ARFGEF2: variants seen among roughly 807,000 people sequenced by gnomAD.
ARFGEF2 encodes the protein ARF guanine nucleotide exchange factor 2.
In ARFGEF2, 74 loss-of-function variants were observed where a neutral mutation model predicts 219.9. The ratio of observed to expected loss-of-function variants is 0.34; its 90% confidence interval spans 0.28 to 0.41. The LOEUF (loss-of-function observed/expected upper bound fraction) is 0.41, where lower values mean the gene tolerates loss of function less well. ARFGEF2 is among the 10% of genes least tolerant of loss of function. The probability of loss-of-function intolerance (pLI) is 1.00; values close to 1 mark genes in which losing one functional copy is unlikely to be tolerated. For synonymous variants in ARFGEF2, 733 were observed against 799.2 expected (o/e 0.92, Z 1.40); for missense variants, 1,743 against 2,218.3 (o/e 0.79, Z 4.30).
At position 48,994,649 on chromosome 20, in the gene ARFGEF2, G is replaced by A. The variant is rs141110654; in HGVS notation, c.3121+51G>A. On this transcript the variant is annotated intron_variant, in intron 22 of 38. Transcript: ENST00000371917. ...CAGTCACGGATTTGCAAGCTAACGG[G>A]GATGAAACCCTTCTTGTCTCATCAG... 37 of 1,607,194 alleles carry A rather than the reference G, an allele frequency of 2.3e-5. No homozygotes were observed. In the Admixed American group the frequency reaches 3.3e-4, roughly 15 times the overall value.
At chr20:49,026,959 C>A (rs1170492494) in intron 36 of ARFGEF2, among the ~76,000 whole-genome samples, 1 of 152,076 alleles carries the variant, frequency 6.6e-6, no homozygotes, top group African/African-American at 2.4e-5. Flanking sequence ...TCTCTACAGC[C>A]TTAAAATATC....
intron 5 of ARFGEF2, among the ~76,000 whole-genome samples, chr20:48,953,300 C>T (rs1600604630): frequency 2.0e-5 from 3 of 151,804 alleles, no homozygotes; most frequent in South Asian, 4.2e-4. Flanking sequence ...CTCAACCTCC[C>T]AAGTAGCTGG....
intron 34 of ARFGEF2, among the ~76,000 whole-genome samples, chr20:49,022,805 C>G (rs182798816): frequency 6.6e-6 from 1 of 151,912 alleles, no homozygotes; most frequent in Non-Finnish European, 1.5e-5. Context: ...TTATTCATTG[C>G]TGTGCCACAA....
intron 1 of ARFGEF2, among the ~76,000 whole-genome samples, chr20:48,933,084 G>A (rs557684103): frequency 1.3e-5 from 2 of 152,244 alleles, no homozygotes; most frequent in East Asian, 1.9e-4. Context: ...TGTGTGACCC[G>A]AGCGGTAACA....
chr20:48,964,131 A>G (rs757866986), intron 7 of ARFGEF2, among the ~76,000 whole-genome samples: 10 of 152,200 alleles, frequency 6.6e-5, no homozygotes, highest in African/African-American at 2.2e-4. Flanking sequence ...AGTCTGGGCC[A>G]GGCGCGGTGG....
At chr20:48,935,941 G>GC (rs1555806736) in intron 1 of ARFGEF2, among the ~76,000 whole-genome samples, 1 of 132,596 alleles carries the variant, frequency 7.5e-6, no homozygotes, top group African/African-American at 3.1e-5. Context: ...GCTGGCCGGG[G>GC]GGGGGGGCTG....
intron 34 of ARFGEF2, among the ~76,000 whole-genome samples, chr20:49,022,030 C>A (rs2091567814): frequency 6.6e-6 from 1 of 151,296 alleles, no homozygotes; most frequent in South Asian, 2.1e-4. Context: ...CACCTGTAAT[C>A]CCAGCTACCA....
At chr20:48,998,284 G>A (rs757275752) in intron 24 of ARFGEF2, 51 bp downstream of exon 24, 10 of 1,614,164 alleles carry the variant, frequency 6.2e-6, no homozygotes, top group South Asian at 3.3e-5. Context: ...CGCTGTGACC[G>A]TCTGACTGTT....
chr20:49,008,316 A>G (rs1309548000), intron 26 of ARFGEF2, among the ~76,000 whole-genome samples: 1 of 151,908 alleles, frequency 6.6e-6, no homozygotes, highest in East Asian at 1.9e-4. Context: ...TAATCCCAGC[A>G]CTTTGGGAGG....
At chr20:48,980,728 A>G (rs991427620) in intron 14 of ARFGEF2, among the ~76,000 whole-genome samples, 6 of 152,072 alleles carry the variant, frequency 3.9e-5, no homozygotes, top group Non-Finnish European at 8.8e-5. Context: ...TCCCTTTACC[A>G]TTATGTAATG....
intron 36 of ARFGEF2, 44 bp downstream of exon 36, chr20:49,025,525 C>T: frequency 6.2e-7 from 1 of 1,609,798 alleles, no homozygotes; most frequent in Admixed American, 1.7e-5. Flanking sequence ...CACTGGTCAC[C>T]TTCCTAAAAC....
At chr20:49,015,170 A>G (rs996862929) in intron 30 of ARFGEF2, among the ~76,000 whole-genome samples, 1 of 152,142 alleles carries the variant, frequency 6.6e-6, no homozygotes, top group Non-Finnish European at 1.5e-5. Flanking sequence ...GCTGGAGTGC[A>G]GTGGTGTGAT....
At chr20:48,986,353 A>T (rs1000390375) in intron 16 of ARFGEF2, among the ~76,000 whole-genome samples, 1 of 152,102 alleles carries the variant, frequency 6.6e-6, no homozygotes, top group African/African-American at 2.4e-5. Context: ...TTCGGGCTGG[A>T]TGCAGTAGCT....
intron 26 of ARFGEF2, 30 bp from the exon 27 acceptor site, chr20:49,010,202 G>A (rs756654942): frequency 1.9e-6 from 3 of 1,606,834 alleles, no homozygotes; most frequent in Non-Finnish European, 2.6e-6. Context: ...CCAAAGTACA[G>A]ACGATATGGC....
At chr20:48,994,960 T>C (rs1406876124) in intron 22 of ARFGEF2, among the ~76,000 whole-genome samples, 1 of 152,164 alleles carries the variant, frequency 6.6e-6, no homozygotes, top group African/African-American at 2.4e-5. Context: ...CCATCTTTAT[T>C]GGGGGGCTTT....
chr20:49,011,715 G>A (rs919006840), intron 27 of ARFGEF2, among the ~76,000 whole-genome samples: 1 of 152,228 alleles, frequency 6.6e-6, no homozygotes, highest in African/African-American at 2.4e-5. Context: ...CAGGAAGACT[G>A]TCTAGCCCAA....
rs367628465 is a variant in ARFGEF2 at position 49,008,897 on chromosome 20, G to A, written c.3585-1335G>A. Among the ~76,000 whole-genome samples the A allele has an allele frequency of 1.2e-4, 18 of 152,016 alleles. 1 individual carries two copies. The highest frequency in any genetic ancestry group is 1.0e-3 in the South Asian group (5 of 4,820). On this transcript the variant is annotated intron_variant, in intron 26 of 38. Coordinates refer to ENST00000371917, the MANE Select transcript of ARFGEF2 (RefSeq NM_006420.3). The stretch of plus-strand genomic sequence containing the variant: ...TAATTTTTGTATTTTTAGTAGAGAC[G>A]GGGTTTCACCGTGTTGGCCAGGCTG...
At chr20:48,970,787 G>A (rs908275734) in intron 9 of ARFGEF2, among the ~76,000 whole-genome samples, 1 of 152,182 alleles carries the variant, frequency 6.6e-6, no homozygotes, top group Non-Finnish European at 1.5e-5. Context: ...AGTGAGCCAG[G>A]TGTCTCAGCC....
intron 14 of ARFGEF2, among the ~76,000 whole-genome samples, chr20:48,983,439 C>T (rs545268380): frequency 9.2e-5 from 14 of 152,242 alleles, no homozygotes; most frequent in South Asian, 2.1e-4. Flanking sequence ...TTTCTACTGC[C>T]GCCACTCCAC....
Sources: gnomAD v4.1 joint callset for allele counts (sites outside exome capture counted in the v4.1 genomes callset) on GRCh38, gnomAD v4.1.1 for gene constraint, MANE v1.5 for transcripts, NCBI Gene and HGNC (gene_info 2026-07-23, HGNC 2026-07-21) for gene names.